The following CNOT3 variants were observed in gnomAD, a reference collection of about 807,000 sequenced individuals.
CNOT3 encodes the protein CCR4-associated factor 3.
In CNOT3, 2 loss-of-function variants were observed where a neutral mutation model predicts 89.4. That is an observed-to-expected ratio of 0.02 (90% CI 0.01 to 0.07). The LOEUF (loss-of-function observed/expected upper bound fraction) is 0.07, where lower values mean the gene tolerates loss of function less well. Ranked by LOEUF, CNOT3 falls within the 10% of genes least tolerant of loss-of-function variation. The probability of loss-of-function intolerance (pLI) is 1.00; values close to 1 mark genes in which losing one functional copy is unlikely to be tolerated. For synonymous variants in CNOT3, 486 were observed against 402.0 expected (o/e 1.21, Z -2.50); for missense variants, 664 against 1,010.2 (o/e 0.66, Z 4.65).
intron 17 of CNOT3, chr19:54,154,196 C>A: frequency 2.2e-6 from 1 of 450,306 alleles, no homozygotes. Context: ...GGCTCTGCTG[C>A]CGAGGGACCT....
Position 54,146,115 on chromosome 19 carries a change from C to T in CNOT3, c.837+72C>T, listed in dbSNP as rs1279343910. 6.4e-6 allele frequency: 10 copies of T among 1,564,098 alleles called. No individual in the cohort carries two copies. In the Admixed American group the frequency reaches 1.7e-4, roughly 27 times the overall value. ...GACTCGAGGAGACAAATCTGGGTCA[C>T]TCCAAAGTGGCTATGGGAGCGTAAT... On this transcript the variant is annotated intron_variant, in intron 9 of 17. Transcript: ENST00000221232.
rs146219248 is a variant in CNOT3, at chr19:54,148,192, C to T, written c.939C>T (p.His313=). Residue 313 remains histidine (H), a synonymous_variant, in exon 11 of 18, where the codon CAC becomes CAT. Coordinates refer to ENST00000221232, the MANE Select transcript of CNOT3 (RefSeq NM_014516.4). The surrounding 1 kb of genome is among the most constrained non-coding windows in gnomAD (Gnocchi z 6.3). ...CCAAGCCTGTCCACAGCAACCAGCACCCTCAGTCCCCAGCTGTGCCGCCCA... is the reference window on the plus strand; with the variant it reads ...CCAAGCCTGTCCACAGCAACCAGCATCCTCAGTCCCCAGCTGTGCCGCCCA... ...NGSKPVHSNQ[H]PQSPAVPPTY... 1.8e-4 allele frequency: 282 copies of T among 1,571,004 alleles called. No homozygotes were observed. The highest frequency in any genetic ancestry group is 2.3e-4 in the Non-Finnish European group (263 of 1,160,184).
rs775228409 is a variant in CNOT3 at position 54,145,557 on chromosome 19, T to G, written c.484-41T>G. 2 of 1,400,114 alleles carry G rather than the reference T, an allele frequency of 1.4e-6. No individual in the cohort carries two copies. Among genetic ancestry groups the G allele is most frequent in the Admixed American group, 3.4e-5 (2 of 58,526 alleles). 86.7% of individuals were successfully genotyped at this position (1,400,114 alleles called of 1,614,324 possible). A position where few individuals can be genotyped will look rare whatever the true frequency, so the allele number is the denominator to read the frequency against. ...GTGGGGGCAGGAGGGGCCAAGCAGG[T>G]GCTCTGCAGCCCCTGAGCCTGGCCC... On this transcript the variant is annotated intron_variant, in intron 7 of 17. Transcript: ENST00000221232. The surrounding 1 kb of genome is among the most constrained non-coding windows in gnomAD (Gnocchi z 5.9).
chr19:54,138,031 C>T (rs943092719), intron 1 of CNOT3, 38 bp downstream of exon 1: 5 of 152,350 alleles, frequency 3.3e-5, no homozygotes, highest in African/African-American at 1.2e-4. Flanking sequence ...GACCCCTTCC[C>T]TTCCTCCCCC....
At chr19:54,143,799 C>A in intron 5 of CNOT3, 50 bp downstream of exon 5, 2 of 1,579,880 alleles carry the variant, frequency 1.3e-6, no homozygotes, top group Non-Finnish European at 1.7e-6. Context: ...TCACCAGATT[C>A]TTGAGATCCC....
At chr19:54,140,147 G>T (rs1317546776) in intron 1 of CNOT3, among the ~76,000 whole-genome samples, 2 of 152,098 alleles carry the variant, frequency 1.3e-5, no homozygotes, top group African/African-American at 4.8e-5. Context: ...TTGTGTGGTG[G>T]TATCATCTTC....
chr19:54,151,605 G>T (rs1426895714), intron 13 of CNOT3, among the ~76,000 whole-genome samples: 1 of 152,218 alleles, frequency 6.6e-6, no homozygotes, highest in Non-Finnish European at 1.5e-5. Context: ...AGCTGCACGT[G>T]GCTGGAGGAG....
Position 54,144,141 on chromosome 19 carries a change from TG to T in CNOT3, c.387+11del, listed in dbSNP as rs1446537801. 1.9e-6 allele frequency: 3 copies of T among 1,607,470 alleles called. No homozygotes were observed. Among genetic ancestry groups the T allele is most frequent in the Admixed American group, 1.7e-5 (1 of 59,190 alleles). ...GGTTGGCCAGTGGCTCACGGTGAGT[TG>T]GGGTAGAGAAGAGGAGGTGAACTCT... On this transcript the variant is annotated splice_region_variant and intron_variant, in intron 6 of 17. Coordinates refer to ENST00000221232, the MANE Select transcript of CNOT3 (RefSeq NM_014516.4). This position sits in a 1 kb window ranked among gnomAD's most constrained non-coding sequence, Gnocchi z 4.8.
At chr19:54,147,442 G>C (rs1036795462) in intron 10 of CNOT3, among the ~76,000 whole-genome samples, 1 of 152,180 alleles carries the variant, frequency 6.6e-6, no homozygotes, top group African/African-American at 2.4e-5. Flanking sequence ...GTACTCCAGG[G>C]GCCAGGCTGG....
chr19:54,154,265 G>A (rs536225252), intron 17 of CNOT3: 32 of 345,200 alleles, frequency 9.3e-5, no homozygotes, highest in African/African-American at 6.4e-5. Flanking sequence ...GCTCAGTGCG[G>A]AAACTATTTT....
At chr19:54,153,223 C>G in intron 16 of CNOT3, 1 of 763,892 alleles carries the variant, frequency 1.3e-6, no homozygotes, top group East Asian at 2.4e-5. Context: ...CGAGGCTGGT[C>G]CACTGAGGCA....
intron 17 of CNOT3, chr19:54,154,967 T>C (rs2075333392): frequency 6.2e-6 from 2 of 320,346 alleles, no homozygotes; most frequent in Non-Finnish European, 1.1e-5. Context: ...GATTAAATGC[T>C]AGGCTGTGCA....
Position 54,152,253 on chromosome 19 carries a change from T to G in CNOT3, c.1633T>G (p.Ser545Ala). 1.2e-6 allele frequency: 2 copies of G among 1,613,890 alleles called. No homozygotes were observed. Among genetic ancestry groups the G allele is most frequent in the Non-Finnish European group, 1.7e-6 (2 of 1,179,942 alleles). Residue 545 changes from serine (S) to alanine (A), a missense_variant, in exon 14 of 18, where the codon TCC becomes GCC. This residue lies in a region of CNOT3 where 545 missense variants were observed against 566.2 expected (regional missense o/e 0.96). Transcript: ENST00000221232. ...KAPEPLSSLK[S>A]MAERAAISSG... is the part of the protein sequence containing the mutation. ...CCCTGAGCCTCTGAGCTCCTTGAAG[T>G]CCATGGCGGAACGGGCAGCCATCAG...
intron 1 of CNOT3, among the ~76,000 whole-genome samples, chr19:54,140,533 T>C (rs1326464149): frequency 6.6e-6 from 1 of 152,148 alleles, no homozygotes; most frequent in East Asian, 1.9e-4. Flanking sequence ...TCTGGTCCTT[T>C]GCTGGGGGGA....
Position 54,144,435 on chromosome 19 carries a change from T to G in CNOT3, c.483+103T>G. ...ATGCTCCTGGGAGTTGGGGCCTGGA[T>G]TCCTCAGGCGGACAGGGCCAACAGC... is the stretch of plus-strand genomic sequence containing the variant. On this transcript the variant is annotated intron_variant, in intron 7 of 17. Transcript: ENST00000221232. The surrounding 1 kb of genome is among the most constrained non-coding windows in gnomAD (Gnocchi z 4.8). The G allele has an allele frequency of 1.2e-6, 1 of 853,436 alleles. No individual in the cohort carries two copies. The highest frequency in any genetic ancestry group is 1.9e-6 in the Non-Finnish European group (1 of 516,192). The allele number at this position is 853,436 out of a possible 1,614,324, so 52.9% of individuals were successfully genotyped here.
chr19:54,148,812 C>G lies in CNOT3; in HGVS notation c.1406+69C>G. The G allele has an allele frequency of 6.6e-7, 1 of 1,518,692 alleles. No homozygotes were observed. Among genetic ancestry groups the G allele is most frequent in the Non-Finnish European group, 8.9e-7 (1 of 1,122,284 alleles). 94.1% of individuals were successfully genotyped at this position (1,518,692 alleles called of 1,614,324 possible). On this transcript the variant is annotated intron_variant, in intron 12 of 17. Transcript: ENST00000221232. The surrounding 1 kb of genome is among the most constrained non-coding windows in gnomAD (Gnocchi z 6.3). ...GAAACAGAGAGGCGCAGGCGCCTCACCCCCGCATCGGTGGGTTCTGAACCC... is the reference window on the plus strand; with the variant it reads ...GAAACAGAGAGGCGCAGGCGCCTCAGCCCCGCATCGGTGGGTTCTGAACCC...
intron 1 of CNOT3, among the ~76,000 whole-genome samples, chr19:54,139,838 GC>G (rs1321155317): frequency 1.3e-5 from 2 of 151,948 alleles, no homozygotes; most frequent in Non-Finnish European, 2.9e-5. Context: ...GGAGATTCCA[GC>G]CCCCCACCCT....
chr19:54,151,250 G>T (rs1035037671), intron 13 of CNOT3, among the ~76,000 whole-genome samples: 4 of 152,190 alleles, frequency 2.6e-5, no homozygotes, highest in African/African-American at 9.7e-5. Context: ...CCATGGCAAG[G>T]TTTGGAGTAG....
In CNOT3 at chr19:54,143,523, G is replaced by A; in HGVS notation, c.168+7G>A. On this transcript the variant is annotated splice_region_variant and intron_variant, in intron 4 of 17. Coordinates refer to ENST00000221232, the MANE Select transcript of CNOT3 (RefSeq NM_014516.4). ...GGAGATTAAGAAGCTACAAGTGAGGGGGCTGGGGGCCTGGACGCCTTTGTC... is the reference window on the plus strand; with the variant it reads ...GGAGATTAAGAAGCTACAAGTGAGGAGGCTGGGGGCCTGGACGCCTTTGTC... The A allele has an allele frequency of 6.2e-7, 1 of 1,613,962 alleles. No individual in the cohort carries two copies. Among genetic ancestry groups the A allele is most frequent in the Non-Finnish European group, 8.5e-7 (1 of 1,179,924 alleles).
Sources: allele counts gnomAD v4.1 joint callset (sites outside exome capture counted in the v4.1 genomes callset), GRCh38; gene constraint gnomAD v4.1.1; regional missense constraint gnomAD v4.1.1; non-coding constraint Gnocchi (gnomAD v3.1); transcripts MANE v1.5; gene names NCBI Gene and HGNC (gene_info 2026-07-23, HGNC 2026-07-21).